Variants in ELAVL4 observed in about 807,000 individuals in gnomAD.
ELAVL4 encodes the protein ELAV like RNA binding protein 4.
ELAVL4 carries 1 observed loss-of-function variant against 35.6 expected under a neutral mutation model. That is an observed-to-expected ratio of 0.03 (90% CI 0.01 to 0.13). The LOEUF is 0.13. Ranked by LOEUF, ELAVL4 falls within the 10% of genes least tolerant of loss-of-function variation. The probability of loss-of-function intolerance (pLI) is 1.00; values close to 1 mark genes in which losing one functional copy is unlikely to be tolerated. For synonymous variants in ELAVL4, 156 were observed against 171.0 expected (o/e 0.91, Z 0.69); for missense variants, 267 against 464.9 (o/e 0.57, Z 3.91).
chr1:50,079,329 T>C (rs1280276918), intron 1 of ELAVL4, among the ~76,000 whole-genome samples: 1 of 152,134 alleles, frequency 6.6e-6, no homozygotes, highest in African/African-American at 2.4e-5. Context: ...GGAGCGTTCT[T>C]GGGATCATCA....
In ELAVL4 at chr1:50,048,226, GC is replaced by G. The variant is rs775617212; in HGVS notation, c.18+47del. On this transcript the variant is annotated intron_variant, in intron 1 of 6. Transcript: ENST00000448907. ...AGGCCCCGCACCCCCGACTCTGCCC[GC>G]CCTCTGTTACGGACACCCGCTGGGC... 3.0e-5 allele frequency: 45 copies of G among 1,487,660 alleles called. No homozygotes were observed. The South Asian group carries it at 5.5e-4, about 18-fold the overall frequency. The allele number at this position is 1,487,660 out of a possible 1,614,324, so 92.2% of individuals were successfully genotyped here.
At chr1:50,062,647 G>A (rs1185907272) in intron 1 of ELAVL4, among the ~76,000 whole-genome samples, 1 of 152,168 alleles carries the variant, frequency 6.6e-6, no homozygotes, top group Admixed American at 6.6e-5. Context: ...CCTGTAAGAT[G>A]TGAATAGAAA....
chr1:50,145,289 T>G, intron 2 of ELAVL4, 92 bp downstream of exon 2: 1 of 1,559,738 alleles, frequency 6.4e-7, no homozygotes, highest in Admixed American at 1.7e-5. Context: ...AATGTCTATA[T>G]CATGTACCCT....
intron 1 of ELAVL4, among the ~76,000 whole-genome samples, chr1:50,087,917 G>A (rs976179991): frequency 3.9e-5 from 6 of 152,140 alleles, no homozygotes; most frequent in African/African-American, 1.4e-4. Context: ...CCAGTCTATG[G>A]CATTTTGCTA....
At chr1:50,070,044 G>A (rs942661451) in intron 1 of ELAVL4, among the ~76,000 whole-genome samples, 1 of 152,148 alleles carries the variant, frequency 6.6e-6, no homozygotes, top group Non-Finnish European at 1.5e-5. Context: ...AGTGTGCAGG[G>A]AATAGCTAGA....
At chr1:50,196,053 C>T (rs905640275) in intron 5 of ELAVL4, among the ~76,000 whole-genome samples, 1 of 152,178 alleles carries the variant, frequency 6.6e-6, no homozygotes, top group Non-Finnish European at 1.5e-5. Context: ...TGTATTTAAC[C>T]AAACATGAAG....
At chr1:50,163,539 C>G (rs762843319) in intron 2 of ELAVL4, among the ~76,000 whole-genome samples, 9 of 152,012 alleles carry the variant, frequency 5.9e-5, no homozygotes, top group Non-Finnish European at 8.8e-5. Flanking sequence ...AAAACCCATG[C>G]TCTCTCGCCG....
chr1:50,076,655 G>T (rs1331626930), intron 1 of ELAVL4, among the ~76,000 whole-genome samples: 2 of 152,144 alleles, frequency 1.3e-5, no homozygotes, highest in Non-Finnish European at 2.9e-5. Context: ...TCTGACATGA[G>T]ATAGACCTGG....
exon 1 of ELAVL4, chr1:50,048,147 G>C: frequency 4.6e-6 from 7 of 1,520,742 alleles, no homozygotes; most frequent in African/African-American, 2.8e-5. Flanking sequence ...CCTCGGGCCG[G>C]ATCGCCCGGC....
At chr1:50,096,077 T>C (rs1321204993) in intron 1 of ELAVL4, among the ~76,000 whole-genome samples, 1 of 152,100 alleles carries the variant, frequency 6.6e-6, no homozygotes, top group Non-Finnish European at 1.5e-5. Flanking sequence ...TTCATGTATT[T>C]CTAAGAGAGG....
intron 1 of ELAVL4, among the ~76,000 whole-genome samples, chr1:50,119,052 G>GAA (rs1557726667): frequency 1.6e-5 from 2 of 122,414 alleles, no homozygotes; most frequent in South Asian, 5.7e-4. Flanking sequence ...AAGAAAGAAA[G>GAA]AAAGAAAGAA....
rs958163656 is a variant in ELAVL4 at position 50,190,201 on chromosome 1, G to C, written c.355-3564G>C. Among the ~76,000 whole-genome samples the C allele has an allele frequency of 3.9e-5, 6 of 152,334 alleles. No homozygotes were observed. In the East Asian group the frequency reaches 1.2e-3, roughly 29 times the overall value. ...GCAAACAGGATCCTGACTGAGGCAA[G>C]GGGGGTTCTCCAGGGCGCTGGCTCC... is the stretch of plus-strand genomic sequence containing the variant. On this transcript the variant is annotated intron_variant, in intron 3 of 6. Coordinates refer to ENST00000371824, the MANE Select transcript of ELAVL4 (RefSeq NM_001144774.3).
intron 1 of ELAVL4, chr1:50,114,846 C>G (rs915291318): frequency 6.6e-6 from 1 of 152,008 alleles, no homozygotes; most frequent in South Asian, 2.1e-4. Context: ...AGGAATTGAG[C>G]AGTTTGGAAA....
At chr1:50,069,690 A>G (rs2148485750) in intron 1 of ELAVL4, among the ~76,000 whole-genome samples, 1 of 152,278 alleles carries the variant, frequency 6.6e-6, no homozygotes, top group South Asian at 2.1e-4. Flanking sequence ...TAATAATAGC[A>G]GCTTATTTTT....
chr1:50,156,702 C>T (rs1028232420), intron 2 of ELAVL4, among the ~76,000 whole-genome samples: 13 of 152,160 alleles, frequency 8.5e-5, no homozygotes, highest in African/African-American at 3.1e-4. Context: ...ACCAAGGTTC[C>T]TGGAGTTTAA....
At chr1:50,179,818 A>G (rs1294556505) in intron 3 of ELAVL4, 2 of 152,196 alleles carry the variant, frequency 1.3e-5, no homozygotes, top group Admixed American at 1.3e-4. Flanking sequence ...AGTTAATTCC[A>G]AAGCTGTGAA....
chr1:50,145,404 A>G (rs770329787), intron 2 of ELAVL4, among the ~76,000 whole-genome samples: 1 of 152,200 alleles, frequency 6.6e-6, no homozygotes, highest in African/African-American at 2.4e-5. Context: ...AGATTTTGGT[A>G]CATCTTCATC....
intron 2 of ELAVL4, among the ~76,000 whole-genome samples, chr1:50,157,946 G>C (rs770177034): frequency 9.9e-5 from 15 of 152,164 alleles, no homozygotes; most frequent in African/African-American, 3.1e-4. Flanking sequence ...TCTGCTAAGG[G>C]AATATTTTAG....
At chr1:50,086,238 CT>C (rs1199406677) in intron 1 of ELAVL4, among the ~76,000 whole-genome samples, 5 of 151,736 alleles carry the variant, frequency 3.3e-5, no homozygotes, top group East Asian at 3.9e-4. Context: ...TAATGGGTTA[CT>C]TTTTTTTCCT....
Sources: allele counts gnomAD v4.1 joint callset (sites outside exome capture counted in the v4.1 genomes callset), GRCh38; gene constraint gnomAD v4.1.1; transcripts MANE v1.5; gene names NCBI Gene and HGNC (gene_info 2026-07-23, HGNC 2026-07-21).